The following SH3D19 variants were observed in gnomAD, a reference collection of about 807,000 sequenced individuals.
SH3D19 encodes SH3 domain-containing protein 19.
A neutral mutation model predicts 112.1 loss-of-function variants in SH3D19; 58 were observed. The observed-to-expected ratio is 0.52, with a 90% confidence interval of 0.42 to 0.64. The LOEUF (loss-of-function observed/expected upper bound fraction) is 0.64. Among genes scored for constraint, SH3D19 ranks in the 30% least tolerant of loss-of-function variants. The pLI is 0.00. For synonymous variants in SH3D19, 391 were observed against 448.5 expected (o/e 0.87, Z 1.62); for missense variants, 1,090 against 1,263.4 (o/e 0.86, Z 2.08).
At chr4:151,198,146 A>G (rs191187556) in intron 2 of SH3D19, among the ~76,000 whole-genome samples, 1,581 of 151,492 alleles carry the variant, frequency 0.01, 21 homozygotes, top group African/African-American at 0.035. Context: ...TCTACAAAAA[A>G]TACAAAAAAT....
intron 1 of SH3D19, chr4:151,291,346 G>A: frequency 2.5e-6 from 4 of 1,613,946 alleles, no homozygotes; most frequent in Non-Finnish European, 3.4e-6. Flanking sequence ...TCCCTCCTGT[G>A]CCTTTGGACC....
chr4:151,176,510 G>T (rs1016031757), intron 6 of SH3D19, 24 bp downstream of exon 6: 6 of 1,231,842 alleles, frequency 4.9e-6, no homozygotes, highest in Non-Finnish European at 6.1e-6. Context: ...GTCAGAATTA[G>T]GGAAGACAAA....
At chr4:151,244,035 T>C (rs558126855) in intron 1 of SH3D19, among the ~76,000 whole-genome samples, 62 of 152,308 alleles carry the variant, frequency 4.1e-4, no homozygotes, top group Non-Finnish European at 7.2e-4. Context: ...TATCAGGTGT[T>C]GATTGGAAGG....
At chr4:151,286,174 C>A in intron 1 of SH3D19, among the ~76,000 whole-genome samples, 1 of 109,910 alleles carries the variant, frequency 9.1e-6, no homozygotes, top group Non-Finnish European at 1.8e-5. Context: ...CAGTGAGACC[C>A]TGTCTTAAAG....
Position 151,325,337 on chromosome 4 carries a change from G to A in SH3D19, c.16C>T (p.Arg6Trp). 1 of 1,214,700 alleles carries A rather than the reference G, an allele frequency of 8.2e-7. No individual in the cohort carries two copies. The highest frequency in any genetic ancestry group is 1.0e-6 in the Non-Finnish European group (1 of 976,884). The allele number at this position is 1,214,700 out of a possible 1,614,324, so 75.2% of individuals were successfully genotyped here. ...AGCTCTTCCTCCTCGTCCTCCCGCC[G>A]CCGGCCCTCAGCCATGGGCGAGGCG... The part of the protein sequence containing the change: MAEGR[R>W]REDEEEELRE... Residue 6 changes from arginine (R) to tryptophan (W), a missense_variant, in exon 1 of 20, where the codon CGG becomes TGG. Arg to Trp is a moderately radical substitution (Grantham distance 101, BLOSUM62 -3). Transcript: ENST00000604030.
At chr4:151,158,650 G>T (rs1411516860) in intron 9 of SH3D19, among the ~76,000 whole-genome samples, 2 of 145,670 alleles carry the variant, frequency 1.4e-5, no homozygotes, top group Admixed American at 7.1e-5. Context: ...CTGCATGTCT[G>T]TTTCCCCAAG....
Position 151,165,667 on chromosome 4 carries a change from G to A in SH3D19, c.1564C>T (p.Pro522Ser), listed in dbSNP as rs763366942. The A allele has an allele frequency of 1.9e-6, 3 of 1,613,984 alleles. No individual in the cohort carries two copies. In the East Asian group the frequency reaches 6.7e-5, roughly 36 times the overall value. Residue 522 changes from proline (P) to serine (S), a missense_variant, in exon 8 of 20, where the codon CCA becomes TCA. Coordinates refer to ENST00000604030, the MANE Select transcript of SH3D19 (RefSeq NM_001378122.1). Reference protein sequence around the residue: ...DPFQLPAKTEPIKERAVQPAP... With the variant: ...DPFQLPAKTESIKERAVQPAP... ...GGTTGAACTGCTCGTTCTTTTATTG[G>A]TTCTGTTTTTGCAGGGAGCTGAAAG...
At chr4:151,311,879 G>T (rs938037188) in intron 1 of SH3D19, among the ~76,000 whole-genome samples, 1 of 152,134 alleles carries the variant, frequency 6.6e-6, no homozygotes, top group Admixed American at 6.5e-5. Flanking sequence ...TGGTTACCAG[G>T]AGTTGTGAGG....
intron 2 of SH3D19, among the ~76,000 whole-genome samples, chr4:151,223,885 T>A (rs940275854): frequency 1.3e-5 from 2 of 152,178 alleles, no homozygotes; most frequent in African/African-American, 4.8e-5. Context: ...TTAAATAGAA[T>A]ATCTGGGGTT....
chr4:151,290,799 G>A (rs1409434184), intron 1 of SH3D19, among the ~76,000 whole-genome samples: 2 of 152,120 alleles, frequency 1.3e-5, no homozygotes, highest in African/African-American at 4.8e-5. Context: ...AGTAAGAACA[G>A]GAAATTAAGG....
intron 17 of SH3D19, among the ~76,000 whole-genome samples, chr4:151,131,942 G>T (rs1249134592): frequency 3.3e-5 from 5 of 152,190 alleles, no homozygotes; most frequent in South Asian, 2.1e-4. Context: ...TCCTGCTTCA[G>T]CCTTCCAAGT....
At chr4:151,312,459 CAT>C (rs1363765129) in intron 1 of SH3D19, among the ~76,000 whole-genome samples, 2 of 152,168 alleles carry the variant, frequency 1.3e-5, no homozygotes, top group South Asian at 2.1e-4. Context: ...GTCATGAGCA[CAT>C]GTTTTCTTTA....
At chr4:151,182,644 T>C (rs1459585364) in intron 3 of SH3D19, among the ~76,000 whole-genome samples, 1 of 152,200 alleles carries the variant, frequency 6.6e-6, no homozygotes, top group East Asian at 1.9e-4. Context: ...TTTTCTCTCT[T>C]GATCCTTCTG....
intron 2 of SH3D19, among the ~76,000 whole-genome samples, chr4:151,198,385 T>TA (rs1763859812): frequency 1.4e-5 from 1 of 72,364 alleles, no homozygotes. Flanking sequence ...AATTATATAA[T>TA]ATATAATATA....
At chr4:151,165,837 C>T in intron 7 of SH3D19, 141 bp from the exon 8 acceptor site, 1 of 655,712 alleles carries the variant, frequency 1.5e-6, no homozygotes, top group Non-Finnish European at 2.6e-6. Context: ...TTTGCAGAGA[C>T]AAAAACAAAG....
chr4:151,163,819 G>C (rs1298021857), intron 8 of SH3D19, among the ~76,000 whole-genome samples: 1 of 152,120 alleles, frequency 6.6e-6, no homozygotes, highest in East Asian at 1.9e-4. Flanking sequence ...CTGACCTCAA[G>C]TGATCTGCCC....
At chr4:151,258,797 T>C (rs992532568) in intron 1 of SH3D19, among the ~76,000 whole-genome samples, 1 of 151,960 alleles carries the variant, frequency 6.6e-6, no homozygotes, top group Non-Finnish European at 1.5e-5. Context: ...ATGGTTCTGC[T>C]CCCCCTTCTC....
rs1382939758 is a variant in SH3D19 at position 151,120,373 on chromosome 4, A to T, written c.*1718T>A. The T allele has an allele frequency of 1.3e-5, 2 of 152,636 alleles. No individual in the cohort carries two copies. Among genetic ancestry groups the T allele is most frequent in the Non-Finnish European group, 2.9e-5 (2 of 68,038 alleles). The allele number at this position is 152,636 out of a possible 1,614,324, so 9.5% of individuals were successfully genotyped here. A position where few individuals can be genotyped will look rare whatever the true frequency, so the allele number is the denominator to read the frequency against. On this transcript the variant is annotated 3_prime_UTR_variant, in exon 20 of 20. Coordinates refer to ENST00000604030, the MANE Select transcript of SH3D19 (RefSeq NM_001378122.1). ...TGCTGACAGAAGGCCAAAACTGAAG[A>T]TTGAGATTTTCCTCTAATAAAGATA...
intron 9 of SH3D19, among the ~76,000 whole-genome samples, chr4:151,155,479 A>G (rs553182440): frequency 6.6e-6 from 1 of 152,332 alleles, no homozygotes; most frequent in Admixed American, 6.5e-5. Context: ...AGCATAGTTA[A>G]TGCACAATGT....
Sources: gnomAD v4.1 joint callset for allele counts (sites outside exome capture counted in the v4.1 genomes callset) on GRCh38, gnomAD v4.1.1 for gene constraint, MANE v1.5 for transcripts, NCBI Gene and HGNC (gene_info 2026-07-23, HGNC 2026-07-21) for gene names.